The following DLG1 variants were observed in gnomAD, a reference collection of about 807,000 sequenced individuals.
DLG1 encodes discs large MAGUK scaffold protein 1, also known as disks large homolog 1.
In DLG1, 42 loss-of-function variants were observed where a neutral mutation model predicts 123.4. The ratio of observed to expected loss-of-function variants is 0.34; its 90% CI spans 0.27 to 0.44. DLG1 has a LOEUF of 0.44. Among genes scored for constraint, DLG1 ranks in the 20% least tolerant of loss-of-function variants. The pLI is 1.00. For missense variants in DLG1, 942 were observed against 1,082.6 expected (o/e 0.87, Z 1.82); for synonymous variants, 317 against 356.2 (o/e 0.89, Z 1.24).
intron 4 of DLG1, chr3:197,260,473 C>T (rs1027820009): frequency 1.5e-5 from 3 of 202,040 alleles, no homozygotes; most frequent in African/African-American, 7.1e-5. Flanking sequence ...ATCTAAAATA[C>T]AAGAAACCAG....
At chr3:197,263,679 C>T (rs992052544) in intron 4 of DLG1, among the ~76,000 whole-genome samples, 2 of 152,028 alleles carry the variant, frequency 1.3e-5, no homozygotes, top group South Asian at 2.1e-4. Context: ...CCCAGCTACT[C>T]GGGAGGCTGA....
At chr3:197,050,628 A>T (rs2148699612) in intron 24 of DLG1, among the ~76,000 whole-genome samples, 1 of 152,340 alleles carries the variant, frequency 6.6e-6, no homozygotes, top group East Asian at 1.9e-4. Context: ...AAAAAGTAGA[A>T]CTCATAGAAA....
chr3:197,266,496 C>T (rs1761751114), intron 4 of DLG1, among the ~76,000 whole-genome samples: 1 of 151,900 alleles, frequency 6.6e-6, no homozygotes, highest in Non-Finnish European at 1.5e-5. Flanking sequence ...TGTGTAGCCC[C>T]AGGTACTTGG....
At chr3:197,233,987 T>C (rs750322363) in intron 4 of DLG1, among the ~76,000 whole-genome samples, 2 of 152,206 alleles carry the variant, frequency 1.3e-5, no homozygotes, top group Non-Finnish European at 2.9e-5. Context: ...GCATAAAACT[T>C]CTTTGAAACA....
chr3:197,295,026 T>G (rs1387910278), intron 3 of DLG1, among the ~76,000 whole-genome samples: 1 of 152,212 alleles, frequency 6.6e-6, no homozygotes, highest in African/African-American at 2.4e-5. Context: ...AAATGCTTTT[T>G]GCTGTTTTTC....
Position 197,200,240 on chromosome 3 carries a change from T to C in DLG1, c.319-5651A>G, listed in dbSNP as rs370143559. On this transcript the variant is annotated intron_variant, in intron 4 of 24. Coordinates refer to ENST00000667157, the MANE Select transcript of DLG1 (RefSeq NM_001366207.1). ...AATAAAATATTTAGTACAAGGTTCT[T>C]AAATCAATACCAGACAGTTGAACAA... 2.9e-3 allele frequency among the ~76,000 whole-genome samples: 443 copies of C among 152,270 alleles called. 4 individuals carry two copies. Among genetic ancestry groups the C allele is most frequent in the African/African-American group, 0.01 (422 of 41,570 alleles).
Position 197,297,229 on chromosome 3 carries a change from C to T in DLG1, c.-25G>A, listed in dbSNP as rs924028608. The T allele has an allele frequency of 3.7e-6, 6 of 1,613,882 alleles. No individual in the cohort carries two copies. Among genetic ancestry groups the T allele is most frequent in the Non-Finnish European group, 3.4e-6 (4 of 1,180,026 alleles). On this transcript the variant is annotated 5_prime_UTR_variant, in exon 2 of 25. Coordinates refer to ENST00000667157, the MANE Select transcript of DLG1 (RefSeq NM_001366207.1). Reference sequence around the variant, plus strand: ...TTTTTCTCCAGAATCAGGAAGAGGGCACACACCTTTAAAACACACAACGGA... The same window carrying T: ...TTTTTCTCCAGAATCAGGAAGAGGGTACACACCTTTAAAACACACAACGGA...
At chr3:197,268,191 A>G (rs1762487355) in intron 4 of DLG1, among the ~76,000 whole-genome samples, 1 of 152,250 alleles carries the variant, frequency 6.6e-6, no homozygotes, top group East Asian at 1.9e-4. Context: ...ATATAGAGCA[A>G]TCAAGATTAT....
intron 4 of DLG1, among the ~76,000 whole-genome samples, chr3:197,255,727 T>C (rs983032476): frequency 1.3e-5 from 2 of 151,766 alleles, no homozygotes; most frequent in African/African-American, 4.8e-5. Flanking sequence ...ATATACTGCA[T>C]GATTCCATTT....
chr3:197,267,255 G>A (rs917159472), intron 4 of DLG1, among the ~76,000 whole-genome samples: 1 of 152,152 alleles, frequency 6.6e-6, no homozygotes, highest in Non-Finnish European at 1.5e-5. Flanking sequence ...TAGTTGCCAA[G>A]AAGATAAAAA....
intron 5 of DLG1, among the ~76,000 whole-genome samples, chr3:197,165,345 G>T (rs906720897): frequency 2.6e-5 from 4 of 152,168 alleles, no homozygotes; most frequent in African/African-American, 9.7e-5. Flanking sequence ...ATTTCCTGTA[G>T]AAAGAGATTT....
At chr3:197,068,302 C>T (rs1437306844) in intron 19 of DLG1, among the ~76,000 whole-genome samples, 1 of 151,926 alleles carries the variant, frequency 6.6e-6, no homozygotes, top group Non-Finnish European at 1.5e-5. Context: ...TCTTTTTAGC[C>T]TAGAAAGCCA....
rs1427008922 is a variant in DLG1 at position 197,104,976 on chromosome 3, A to G, written c.1473T>C (p.Ser491=). Reference sequence around the variant, plus strand: ...TCAATGCAGCTGCTGCCTGCTCATGACTAGCAGCTCTGAGGTCAACACTGT... The same window carrying G: ...TCAATGCAGCTGCTGCCTGCTCATGGCTAGCAGCTCTGAGGTCAACACTGT... ...SVNSVDLRAA[S]HEQAAAALKN... Residue 491 remains serine, a synonymous_variant, in exon 14 of 25, where the codon AGT becomes AGC. Coordinates refer to ENST00000667157, the MANE Select transcript of DLG1 (RefSeq NM_001366207.1). The G allele has an allele frequency of 6.2e-7, 1 of 1,613,006 alleles. No homozygotes were observed. Among genetic ancestry groups the G allele is most frequent in the South Asian group, 1.1e-5 (1 of 90,828 alleles).
intron 14 of DLG1, among the ~76,000 whole-genome samples, chr3:197,092,249 G>A (rs1005456164): frequency 1.3e-5 from 2 of 152,090 alleles, no homozygotes; most frequent in African/African-American, 4.8e-5. Context: ...TAGGACCACT[G>A]GGTTTTTACT....
intron 7 of DLG1, among the ~76,000 whole-genome samples, chr3:197,141,732 TC>T (rs1232864162): frequency 2.0e-5 from 3 of 151,634 alleles, no homozygotes; most frequent in Admixed American, 6.6e-5. Context: ...TATTCTTTTT[TC>T]TTTTTTTTAG....
At chr3:197,175,199 T>C (rs1475592535) in intron 5 of DLG1, among the ~76,000 whole-genome samples, 1 of 152,188 alleles carries the variant, frequency 6.6e-6, no homozygotes, top group Non-Finnish European at 1.5e-5. Context: ...AAAGTTTTCT[T>C]TAAAAGGTGG....
rs1331095613 is a variant in DLG1, at chr3:197,282,861, T to C, written c.152-16A>G. The stretch of plus-strand genomic sequence containing the variant: ...TCTTGAATATCTAGAAGAAGGAAAA[T>C]AAAAATTCATAAGTATTTATATTTT... On this transcript the variant is annotated splice_polypyrimidine_tract_variant and intron_variant, in intron 3 of 24. Transcript: ENST00000667157. The C allele has an allele frequency of 3.5e-6, 5 of 1,409,866 alleles. No homozygotes were observed. The East Asian group carries it at 7.0e-5, about 20-fold the overall frequency. 87.3% of individuals were successfully genotyped at this position (1,409,866 alleles called of 1,614,324 possible).
At chr3:197,186,725 A>C (rs1003218197) in intron 5 of DLG1, among the ~76,000 whole-genome samples, 5 of 152,220 alleles carry the variant, frequency 3.3e-5, no homozygotes, top group African/African-American at 1.2e-4. Context: ...ACAGAAACAA[A>C]GGCAAATACT....
chr3:197,226,091 A>G (rs1578324340), intron 4 of DLG1: 2 of 152,444 alleles, frequency 1.3e-5, no homozygotes, highest in Middle Eastern at 3.4e-3. Context: ...AAATTGTATT[A>G]AAATGTTGCA....
Sources: allele counts gnomAD v4.1 joint callset (sites outside exome capture counted in the v4.1 genomes callset), GRCh38; gene constraint gnomAD v4.1.1; transcripts MANE v1.5; gene names NCBI Gene and HGNC (gene_info 2026-07-23, HGNC 2026-07-21).